CDC27: variants seen among roughly 807,000 people sequenced by gnomAD.
CDC27 encodes the protein cell division cycle 27, also known as cell division cycle protein 27 homolog.
Under a neutral mutation model 109.7 loss-of-function variants are expected in CDC27, and 27 were observed. That is an observed-to-expected ratio of 0.25 (90% confidence interval 0.18 to 0.34). The LOEUF (loss-of-function observed/expected upper bound fraction) is 0.34. CDC27 is among the 10% of genes least tolerant of loss of function. The pLI is 1.00. For synonymous variants in CDC27, 266 were observed against 333.9 expected, an observed-to-expected ratio of 0.80 and a Z score of 2.22; for missense variants, 579 against 960.2, an observed-to-expected ratio of 0.60 and a Z score of 5.25.
chr17:47,134,817 G>T (rs2062525996), intron 14 of CDC27, among the ~76,000 whole-genome samples: 1 of 149,480 alleles, frequency 6.7e-6, no homozygotes, highest in South Asian at 2.1e-4. Context: ...TAGGGAAGGG[G>T]TCTTGCTATG....
chr17:47,145,458 C>T (rs1340246540), intron 9 of CDC27, among the ~76,000 whole-genome samples: 1 of 152,096 alleles, frequency 6.6e-6, no homozygotes, highest in East Asian at 1.9e-4. Flanking sequence ...GGTCCACGTC[C>T]CAGGCTCCTG....
At chr17:47,160,196 G>A (rs908542087) in intron 4 of CDC27, among the ~76,000 whole-genome samples, 2 of 151,030 alleles carry the variant, frequency 1.3e-5, no homozygotes, top group Admixed American at 1.3e-4. Flanking sequence ...AAAATCTGGG[G>A]ATTATCAGAA....
At chr17:47,168,390 G>C (rs1371416105) in intron 4 of CDC27, among the ~76,000 whole-genome samples, 1 of 152,122 alleles carries the variant, frequency 6.6e-6, no homozygotes, top group Admixed American at 6.6e-5. Flanking sequence ...TGTATACGAG[G>C]AAATGAGGTC....
chr17:47,124,256 C>CATCTATCTATCTATCTATCTATCT (rs71365043), intron 16 of CDC27, among the ~76,000 whole-genome samples: 120 of 148,278 alleles, frequency 8.1e-4, no homozygotes, highest in Middle Eastern at 3.4e-3. Context: ...TGCTTTTGGT[C>CATCTATCTATCTATCTATCTATCT]ATCTATCTAT....
At chr17:47,173,861 G>T (rs1346694027) in intron 2 of CDC27, among the ~76,000 whole-genome samples, 2 of 152,242 alleles carry the variant, frequency 1.3e-5, no homozygotes, top group Non-Finnish European at 2.9e-5. Context: ...GGGAGGCTGA[G>T]GCAGGCAGAT....
At chr17:47,134,197 C>T (rs1263590806) in intron 14 of CDC27, among the ~76,000 whole-genome samples, 1 of 151,764 alleles carries the variant, frequency 6.6e-6, no homozygotes, top group Non-Finnish European at 1.5e-5. Flanking sequence ...CATGCCCAGA[C>T]CATTAAAACA....
chr17:47,135,321 T>C (rs919386732), intron 14 of CDC27, among the ~76,000 whole-genome samples: 2 of 152,182 alleles, frequency 1.3e-5, no homozygotes, highest in African/African-American at 4.8e-5. Flanking sequence ...TAGGTTAATA[T>C]GCAGGTATTT....
chr17:47,164,945 G>A (rs1349811199), intron 4 of CDC27, among the ~76,000 whole-genome samples: 1 of 152,100 alleles, frequency 6.6e-6, no homozygotes, highest in Non-Finnish European at 1.5e-5. Flanking sequence ...CTACAATCAG[G>A]ATATAAAACT....
chr17:47,184,887 G>T (rs1262334537), intron 1 of CDC27, among the ~76,000 whole-genome samples: 1 of 152,148 alleles, frequency 6.6e-6, no homozygotes, highest in Non-Finnish European at 1.5e-5. Flanking sequence ...AACACCCAGT[G>T]CATTACCGCT....
chr17:47,151,791 T>A lies in CDC27; in HGVS notation c.1070+15A>T. On this transcript the variant is annotated intron_variant, in intron 9 of 18. Transcript: ENST00000066544. ...TTTATGCCAAGAAAAGTTGAATAATTACAATGATAAATACCTTGTTTGTGG... is the reference window on the plus strand; with the variant it reads ...TTTATGCCAAGAAAAGTTGAATAATAACAATGATAAATACCTTGTTTGTGG... The A allele has an allele frequency of 6.6e-7, 1 of 1,516,402 alleles. No homozygotes were observed. Among genetic ancestry groups the A allele is most frequent in the Non-Finnish European group, 8.8e-7 (1 of 1,131,236 alleles). The allele number at this position is 1,516,402 out of a possible 1,614,324, so 93.9% of individuals were successfully genotyped here. A position where few individuals can be genotyped will look rare whatever the true frequency, so the allele number is the denominator to read the frequency against.
chr17:47,148,971 C>T (rs1231582851), intron 9 of CDC27, among the ~76,000 whole-genome samples: 8 of 150,018 alleles, frequency 5.3e-5, no homozygotes, highest in Non-Finnish European at 7.4e-5. Context: ...CCCAGCTACT[C>T]GGGAGGCCGT....
At chr17:47,137,010 A>T in intron 14 of CDC27, 142 bp downstream of exon 14, 1 of 424,028 alleles carries the variant, frequency 2.4e-6, no homozygotes, top group Non-Finnish European at 4.2e-6. Context: ...AAAACATTTT[A>T]GTTAGAAGTT....
chr17:47,172,163 C>G lies in CDC27; in HGVS notation c.104-99G>C, dbSNP rs529176028. On this transcript the variant is annotated intron_variant, in intron 2 of 18. Coordinates refer to ENST00000066544, the MANE Select transcript of CDC27 (RefSeq NM_001256.6). Reference sequence around the variant, plus strand: ...AAGTTTAGCAAAAAAAAAAATTAGGCTTGCTATTTTAACACAAAACAATCA... The same window carrying G: ...AAGTTTAGCAAAAAAAAAAATTAGGGTTGCTATTTTAACACAAAACAATCA... 1.3e-5 allele frequency: 9 copies of G among 711,944 alleles called. No individual in the cohort carries two copies. In the African/African-American group the frequency reaches 1.5e-4, roughly 12 times the overall value. 44.1% of individuals were successfully genotyped at this position (711,944 alleles called of 1,614,324 possible).
intron 14 of CDC27, among the ~76,000 whole-genome samples, chr17:47,134,550 G>A (rs2062512051): frequency 6.6e-6 from 1 of 151,446 alleles, no homozygotes; most frequent in African/African-American, 2.4e-5. Flanking sequence ...GGAGTGCAGT[G>A]GCACAACCTC....
chr17:47,120,748 T>C lies in CDC27; in HGVS notation c.*187A>G. 2.0e-6 allele frequency: 1 copy of C among 498,252 alleles called. No homozygotes were observed. Among genetic ancestry groups the C allele is most frequent in the Middle Eastern group, 2.9e-4 (1 of 3,394 alleles). 30.9% of individuals were successfully genotyped at this position (498,252 alleles called of 1,614,324 possible). A position where few individuals can be genotyped will look rare whatever the true frequency, so the allele number is the denominator to read the frequency against. On this transcript the variant is annotated 3_prime_UTR_variant, in exon 19 of 19. Coordinates refer to ENST00000066544, the MANE Select transcript of CDC27 (RefSeq NM_001256.6). ...ATACTGGTAAAAGAGCCAGTCTTGT[T>C]AGCAGCTAAATATTGCACTGCCTTT...
chr17:47,162,291 T>G (rs1195377873), intron 4 of CDC27, among the ~76,000 whole-genome samples: 2 of 152,228 alleles, frequency 1.3e-5, no homozygotes, highest in Admixed American at 6.5e-5. Context: ...GCTTCTCATC[T>G]AAACCATCAA....
chr17:47,138,843 C>T lies in CDC27; in HGVS notation c.1600G>A (p.Glu534Lys), dbSNP rs747825154. The T allele has an allele frequency of 1.2e-6, 2 of 1,606,646 alleles. No individual in the cohort carries two copies. Among genetic ancestry groups the T allele is most frequent in the Non-Finnish European group, 1.7e-6 (2 of 1,174,516 alleles). Residue 534 changes from glutamate (E) to lysine (K), a missense_variant, in exon 13 of 19, where the codon GAA becomes AAA. Coordinates refer to ENST00000066544, the MANE Select transcript of CDC27 (RefSeq NM_001256.6). Reference protein sequence around the residue: ...EVRRIENYRVEGMEIYSTTLW... With the variant: ...EVRRIENYRVKGMEIYSTTLW... ...GTTGTAGAGTAGATCTCCATGCCTTCAACTCTATAATTCTCAATCCTTCTA... is the reference window on the plus strand; with the variant it reads ...GTTGTAGAGTAGATCTCCATGCCTTTAACTCTATAATTCTCAATCCTTCTA...
intron 12 of CDC27, 90 bp from the exon 13 acceptor site, chr17:47,138,981 C>T (rs1338216658): frequency 3.7e-6 from 3 of 811,412 alleles, no homozygotes; most frequent in Non-Finnish European, 5.7e-6. Flanking sequence ...TTCACAGGAT[C>T]TAAATGCTGC....
chr17:47,171,930 C>G lies in CDC27; in HGVS notation c.238G>C (p.Val80Leu). Residue 80 changes from valine (V) to leucine (L), a missense_variant, in exon 3 of 19, where the codon GTT (valine) becomes CTT (leucine). By Grantham distance (32) the Val-to-Leu change is conservative (BLOSUM62 1). Coordinates refer to ENST00000066544, the MANE Select transcript of CDC27 (RefSeq NM_001256.6). Reference protein sequence around the residue: ...QCKYLLAKCCVDLSKLAEGEQ... With the variant: ...QCKYLLAKCCLDLSKLAEGEQ... ...TTTAAAACTTACTTGCTGAGATCAA[C>G]ACAACATTTTGCAAGCAGGTATTTG... 1 of 1,591,072 alleles carries G rather than the reference C, an allele frequency of 6.3e-7. No individual in the cohort carries two copies. The highest frequency in any genetic ancestry group is 8.5e-7 in the Non-Finnish European group (1 of 1,171,888).
Sources: gnomAD v4.1 joint callset for allele counts (sites outside exome capture counted in the v4.1 genomes callset) on GRCh38, gnomAD v4.1.1 for gene constraint, MANE v1.5 for transcripts, NCBI Gene and HGNC (gene_info 2026-07-23, HGNC 2026-07-21) for gene names.